The following TRIM44 variants were observed in gnomAD, a reference collection of about 807,000 sequenced individuals.
TRIM44 encodes the protein tripartite motif-containing protein 44.
TRIM44 carries 13 observed loss-of-function variants against 37.4 expected under a neutral mutation model. The observed-to-expected ratio is 0.35, with a 90% CI of 0.23 to 0.55. TRIM44 has a LOEUF of 0.55. Among genes scored for constraint, TRIM44 ranks in the 20% least tolerant of loss-of-function variants. The pLI is 0.89. For synonymous variants in TRIM44, 175 were observed against 157.2 expected (o/e 1.11, Z -0.85); for missense variants, 426 against 437.2 (o/e 0.97, Z 0.23).
At chr11:35,670,634 T>C (rs1422924345) in intron 1 of TRIM44, among the ~76,000 whole-genome samples, 1 of 152,264 alleles carries the variant, frequency 6.6e-6, no homozygotes, top group Non-Finnish European at 1.5e-5. Flanking sequence ...TGTCATTCAA[T>C]TCTTAATTTA....
intron 2 of TRIM44, among the ~76,000 whole-genome samples, chr11:35,708,655 G>T (rs897774553): frequency 3.3e-5 from 5 of 150,774 alleles, no homozygotes; most frequent in African/African-American, 1.2e-4. Flanking sequence ...GTAAACTATC[G>T]TAAGAACAAA....
At chr11:35,674,235 C>CGTGTGTGTGTGTGTGTGTGTGTGT (rs113167193) in intron 1 of TRIM44, among the ~76,000 whole-genome samples, 1 of 149,880 alleles carries the variant, frequency 6.7e-6, no homozygotes, top group Non-Finnish European at 1.5e-5. Flanking sequence ...AGAGAATTTG[C>CGTGTGTGTGTGTGTGTGTGTGTGT]GTGTGTGTGT....
At chr11:35,702,856 C>T (rs975206671) in intron 2 of TRIM44, among the ~76,000 whole-genome samples, 6 of 152,252 alleles carry the variant, frequency 3.9e-5, no homozygotes, top group Admixed American at 3.3e-4. Context: ...TTCTGCATTT[C>T]CATCAGAAGT....
At chr11:35,770,227 G>T (rs1217766472) in intron 4 of TRIM44, among the ~76,000 whole-genome samples, 2 of 152,176 alleles carry the variant, frequency 1.3e-5, no homozygotes, top group Non-Finnish European at 2.9e-5. Flanking sequence ...TGCTGCAAAG[G>T]ACATGGTTTT....
At chr11:35,734,141 T>C (rs1038086595) in intron 3 of TRIM44, among the ~76,000 whole-genome samples, 1 of 152,202 alleles carries the variant, frequency 6.6e-6, no homozygotes, top group Admixed American at 6.5e-5. Flanking sequence ...GATTCGAAAA[T>C]CCTAGAAGGT....
In TRIM44 at chr11:35,813,578, G is replaced by A. The variant is rs901990523; in HGVS notation, c.*7193G>A. The A allele has an allele frequency of 3.3e-5, 5 of 152,094 alleles. No homozygotes were observed. The highest frequency in any genetic ancestry group is 1.2e-4 in the African/African-American group (5 of 41,426). The allele number at this position is 152,094 out of a possible 1,614,324, so 9.4% of individuals were successfully genotyped here. A position where few individuals can be genotyped will look rare whatever the true frequency, so the allele number is the denominator to read the frequency against. ...ATGGAAATTTTGAGTAGACTGCAAA[G>A]CTCCAAAGCCCTGATATATGGGTTA... On this transcript the variant is annotated 3_prime_UTR_variant, in exon 5 of 5. Coordinates refer to ENST00000299413, the MANE Select transcript of TRIM44 (RefSeq NM_017583.6).
intron 4 of TRIM44, among the ~76,000 whole-genome samples, chr11:35,771,751 T>C (rs1395773881): frequency 1.3e-5 from 2 of 151,484 alleles, no homozygotes; most frequent in Non-Finnish European, 2.9e-5. Flanking sequence ...AAAAAGCATT[T>C]AGTTTTAAAA....
At chr11:35,682,909 T>G (rs1483650861) in intron 1 of TRIM44, among the ~76,000 whole-genome samples, 1 of 152,222 alleles carries the variant, frequency 6.6e-6, no homozygotes, top group Non-Finnish European at 1.5e-5. Context: ...CATTCCTTTC[T>G]GTTCTCTAGA....
rs1853550898 is a variant in TRIM44 at position 35,813,652 on chromosome 11, C to T, written c.*7267C>T. On this transcript the variant is annotated 3_prime_UTR_variant, in exon 5 of 5. Transcript: ENST00000299413. ...CACATCTCAATCTTTAAGAGCCTCA[C>T]TGTATCATGGGACAATATTCTATTT... 2.6e-5 allele frequency: 4 copies of T among 152,194 alleles called. 1 individual carries two copies. In the South Asian group the frequency reaches 8.3e-4, roughly 32 times the overall value. The allele number at this position is 152,194 out of a possible 1,614,324, so 9.4% of individuals were successfully genotyped here.
rs1388957859 is a variant in TRIM44, at chr11:35,725,890, C to A, written c.748-34C>A. ...CTGCCCTTTTGTTTCTTTGTATGTT[C>A]AACTTATTCTTCTTATTTGTCTCTG... On this transcript the variant is annotated intron_variant, in intron 2 of 4. Coordinates refer to ENST00000299413, the MANE Select transcript of TRIM44 (RefSeq NM_017583.6). The A allele has an allele frequency of 1.9e-6, 3 of 1,606,178 alleles. No homozygotes were observed. In the South Asian group the frequency reaches 3.3e-5, roughly 18 times the overall value.
At chr11:35,681,461 CTT>C in intron 1 of TRIM44, among the ~76,000 whole-genome samples, 1 of 152,240 alleles carries the variant, frequency 6.6e-6, no homozygotes, top group East Asian at 1.9e-4. Flanking sequence ...GCACTTATCT[CTT>C]TTTATTCTAC....
intron 4 of TRIM44, among the ~76,000 whole-genome samples, chr11:35,781,483 T>C (rs1853065075): frequency 6.6e-6 from 1 of 152,158 alleles, no homozygotes; most frequent in Admixed American, 6.5e-5. Flanking sequence ...AGGCTCAGCC[T>C]GAGGAGCGAC....
intron 2 of TRIM44, among the ~76,000 whole-genome samples, chr11:35,694,067 C>G (rs1221501938): frequency 6.6e-6 from 1 of 152,118 alleles, no homozygotes; most frequent in East Asian, 1.9e-4. Context: ...AACTGAATCT[C>G]TACAATACCA....
At chr11:35,783,380 A>G (rs1037976846) in intron 4 of TRIM44, among the ~76,000 whole-genome samples, 14 of 152,172 alleles carry the variant, frequency 9.2e-5, no homozygotes, top group African/African-American at 2.7e-4. Flanking sequence ...AAGCCACTCT[A>G]TACCCCTGTT....
chr11:35,747,679 C>T (rs1034108368), intron 4 of TRIM44, among the ~76,000 whole-genome samples: 1 of 152,028 alleles, frequency 6.6e-6, no homozygotes, highest in African/African-American at 2.4e-5. Flanking sequence ...CAGGAAAGTG[C>T]CTAAGGTGGA....
intron 4 of TRIM44, among the ~76,000 whole-genome samples, chr11:35,773,879 C>T (rs1852911437): frequency 6.6e-6 from 1 of 152,168 alleles, no homozygotes; most frequent in South Asian, 2.1e-4. Context: ...CATTGATGGA[C>T]ATTTGGGTTG....
intron 4 of TRIM44, among the ~76,000 whole-genome samples, chr11:35,766,358 A>T (rs1311438659): frequency 6.6e-6 from 1 of 152,156 alleles, no homozygotes; most frequent in Admixed American, 6.6e-5. Flanking sequence ...ATCTGGTTAT[A>T]TAGGGCTTCT....
chr11:35,706,797 G>T (rs974531258), intron 2 of TRIM44, among the ~76,000 whole-genome samples: 40 of 151,936 alleles, frequency 2.6e-4, no homozygotes, highest in African/African-American at 7.2e-4. Flanking sequence ...CAAACCCACA[G>T]CCAATATCAT....
intron 1 of TRIM44, among the ~76,000 whole-genome samples, chr11:35,666,116 C>T (rs1429185004): frequency 6.6e-6 from 1 of 152,154 alleles, no homozygotes; most frequent in African/African-American, 2.4e-5. Flanking sequence ...TTTCTCCATA[C>T]AGATGGCCAA....
Sources: gnomAD v4.1 joint callset for allele counts (sites outside exome capture counted in the v4.1 genomes callset) on GRCh38, gnomAD v4.1.1 for gene constraint, MANE v1.5 for transcripts, NCBI Gene and HGNC (gene_info 2026-07-23, HGNC 2026-07-21) for gene names.